The following ADGRB3 variants were observed in gnomAD, a reference collection of about 807,000 sequenced individuals.
ADGRB3 encodes the protein adhesion G protein-coupled receptor B3, also known as brain-specific angiogenesis inhibitor 3.
ADGRB3 carries 37 observed loss-of-function variants against 193.4 expected under a neutral mutation model. The observed-to-expected ratio is 0.19, with a 90% CI of 0.15 to 0.25. ADGRB3 has a LOEUF of 0.25. Ranked by LOEUF, ADGRB3 falls within the 10% of genes least tolerant of loss-of-function variation. The probability of loss-of-function intolerance (pLI) is 1.00; values close to 1 mark genes in which losing one functional copy is unlikely to be tolerated. For missense variants in ADGRB3, 1,637 were observed against 1,852.9 expected (o/e 0.88, Z 2.14); for synonymous variants, 690 against 644.2 (o/e 1.07, Z -1.08).
intron 31 of ADGRB3, among the ~76,000 whole-genome samples, chr6:69,383,612 T>C (rs1472552638): frequency 6.6e-6 from 1 of 151,982 alleles, no homozygotes; most frequent in Non-Finnish European, 1.5e-5. Context: ...GCTCAAAAGC[T>C]CAATCAAGAA....
intron 17 of ADGRB3, among the ~76,000 whole-genome samples, chr6:69,145,031 T>C (rs1348509716): frequency 6.6e-6 from 1 of 152,168 alleles, no homozygotes; most frequent in East Asian, 1.9e-4. Flanking sequence ...TTGAGTAGGA[T>C]TGATATTAGT....
intron 24 of ADGRB3, among the ~76,000 whole-genome samples, chr6:69,334,090 C>A (rs1768791158): frequency 6.6e-6 from 1 of 151,698 alleles, no homozygotes; most frequent in South Asian, 2.1e-4. Context: ...TGACATCATC[C>A]TTTATCATAT....
At chr6:69,276,830 T>C (rs1036388639) in intron 20 of ADGRB3, among the ~76,000 whole-genome samples, 8 of 152,110 alleles carry the variant, frequency 5.3e-5, no homozygotes, top group African/African-American at 1.7e-4. Flanking sequence ...CGGATATGGA[T>C]ATGTTTATGG....
chr6:68,917,593 T>G (rs1766919657), intron 3 of ADGRB3, among the ~76,000 whole-genome samples: 2 of 152,214 alleles, frequency 1.3e-5, no homozygotes, highest in Non-Finnish European at 2.9e-5. Flanking sequence ...TATTGAAGTT[T>G]GATTGTTTGG....
intron 17 of ADGRB3, among the ~76,000 whole-genome samples, chr6:69,189,825 C>T (rs1042060995): frequency 3.3e-5 from 5 of 152,070 alleles, no homozygotes; most frequent in East Asian, 1.9e-4. Flanking sequence ...AGAATGTAAC[C>T]GTAGTAATGT....
In ADGRB3 at chr6:69,172,643, CAAAAAAAAAAA is replaced by C. The variant is rs70987454; in HGVS notation, c.2481-60628_2481-60618del. On this transcript the variant is annotated intron_variant, in intron 17 of 31. Transcript: ENST00000370598. ...TGGGCGACAGAGCGAGACTCTGTCT[CAAAAAAAAAAA>C]AAAAAAAAAAAAAAAAAAGAGAAAT... is the stretch of plus-strand genomic sequence containing the variant. Among the ~76,000 whole-genome samples the C allele has an allele frequency of 9.2e-3, 246 of 26,822 alleles. 1 individual carries two copies. The highest frequency in any genetic ancestry group is 0.071 in the Middle Eastern group (2 of 28). 17.6% of individuals were successfully genotyped at this position (26,822 alleles called of 152,430 possible).
rs558178023 is a variant in ADGRB3 at position 69,015,206 on chromosome 6, A to C, written c.1998+1100A>C. Reference sequence around the variant, plus strand: ...GGCTGCTAGAGACTATTAATTATGGATATATTAAGAAGAAATATGTAATAT... The same window carrying C: ...GGCTGCTAGAGACTATTAATTATGGCTATATTAAGAAGAAATATGTAATAT... On this transcript the variant is annotated intron_variant, in intron 12 of 31. Transcript: ENST00000370598. Among the ~76,000 whole-genome samples, 22 of 152,126 alleles carry C rather than the reference A, an allele frequency of 1.4e-4. No individual in the cohort carries two copies. The South Asian group carries it at 4.6e-3, about 31-fold the overall frequency.
At chr6:69,174,811 C>T (rs146617970) in intron 17 of ADGRB3, among the ~76,000 whole-genome samples, 180 of 152,240 alleles carry the variant, frequency 1.2e-3, no homozygotes, top group Non-Finnish European at 1.6e-3. Context: ...TGACTGGCGT[C>T]AGATGGTATC....
chr6:68,737,143 A>T (rs966478231), intron 3 of ADGRB3, among the ~76,000 whole-genome samples: 2 of 152,230 alleles, frequency 1.3e-5, no homozygotes, highest in South Asian at 4.1e-4. Flanking sequence ...TTAAATTTGT[A>T]TATGCATCTT....
chr6:68,693,978 C>T (rs1765118501), intron 3 of ADGRB3, among the ~76,000 whole-genome samples: 1 of 151,930 alleles, frequency 6.6e-6, no homozygotes, highest in African/African-American at 2.4e-5. Flanking sequence ...ATCTCATTCT[C>T]TTAGTGTTTC....
chr6:69,221,419 G>T (rs1765891104), intron 17 of ADGRB3, among the ~76,000 whole-genome samples: 1 of 152,062 alleles, frequency 6.6e-6, no homozygotes, highest in Non-Finnish European at 1.5e-5. Context: ...CTACTCTCTG[G>T]TGTAGTTGCC....
intron 20 of ADGRB3, among the ~76,000 whole-genome samples, chr6:69,313,923 A>G (rs1227670463): frequency 1.3e-5 from 2 of 151,764 alleles, no homozygotes; most frequent in Admixed American, 1.3e-4. Context: ...CTCTCCAGAC[A>G]TCTAAGAGAA....
chr6:69,331,113 C>A (rs1163300434), intron 23 of ADGRB3, among the ~76,000 whole-genome samples: 1 of 152,062 alleles, frequency 6.6e-6, no homozygotes, highest in Non-Finnish European at 1.5e-5. Flanking sequence ...CCAGTAGTAC[C>A]CCCTAGTCAT....
chr6:68,722,729 A>C (rs1765606067), intron 3 of ADGRB3, among the ~76,000 whole-genome samples: 1 of 151,614 alleles, frequency 6.6e-6, no homozygotes, highest in Non-Finnish European at 1.5e-5. Context: ...ATGTGATTAC[A>C]GACTGTCCCG....
intron 26 of ADGRB3, among the ~76,000 whole-genome samples, chr6:69,352,617 A>G (rs1769250278): frequency 6.6e-6 from 1 of 152,208 alleles, no homozygotes; most frequent in Non-Finnish European, 1.5e-5. Flanking sequence ...CAGAGGTCTC[A>G]TTATTGGGCC....
chr6:69,081,512 A>G (rs545559495), intron 17 of ADGRB3, among the ~76,000 whole-genome samples: 4 of 152,120 alleles, frequency 2.6e-5, no homozygotes, highest in Admixed American at 2.0e-4. Context: ...TAGAAATACA[A>G]TTAAAGATTT....
chr6:69,040,305 GTCTCTTTCTTTCTTTCTTTCTTTC>G (rs1770992397), intron 13 of ADGRB3, among the ~76,000 whole-genome samples: 4 of 106,830 alleles, frequency 3.7e-5, no homozygotes, highest in Non-Finnish European at 8.0e-5. Context: ...TCCTTTCTCT[GTCTCTTTCTTTCTTTCTTTCTTTC>G]TTTCTTTCTT....
intron 17 of ADGRB3, among the ~76,000 whole-genome samples, chr6:69,107,659 G>A (rs558641331): frequency 2.4e-4 from 37 of 152,158 alleles, no homozygotes; most frequent in African/African-American, 8.7e-4. Flanking sequence ...CATCAGTGGT[G>A]GATTGGATAA....
At position 68,936,485 on chromosome 6, in the gene ADGRB3, A is replaced by G. The variant is rs373597934; in HGVS notation, c.869-34A>G. 29 of 1,605,124 alleles carry G rather than the reference A, an allele frequency of 1.8e-5. No individual in the cohort carries two copies. The African/African-American group carries it at 2.9e-4, about 16-fold the overall frequency. ...TGCTTACTAGATGAATACTTAAGAC[A>G]GTATTTCATGTTTATTTGTTGTCTT... is the stretch of plus-strand genomic sequence containing the variant. On this transcript the variant is annotated intron_variant, in intron 4 of 31. Transcript: ENST00000370598.
Sources: allele counts gnomAD v4.1 joint callset (sites outside exome capture counted in the v4.1 genomes callset), GRCh38; gene constraint gnomAD v4.1.1; transcripts MANE v1.5; gene names NCBI Gene and HGNC (gene_info 2026-07-23, HGNC 2026-07-21).